The following FRS2 variants were observed in gnomAD, a reference collection of about 807,000 sequenced individuals.
FRS2 encodes the protein fibroblast growth factor receptor substrate 2.
A neutral mutation model predicts 43.9 loss-of-function variants in FRS2; 8 were observed. That is an observed-to-expected ratio of 0.18 (90% confidence interval 0.11 to 0.33). The LOEUF is 0.33. Among genes scored for constraint, FRS2 ranks in the 10% least tolerant of loss-of-function variants. FRS2 has a pLI of 1.00. For missense variants in FRS2, 534 were observed against 627.6 expected, an observed-to-expected ratio of 0.85 and a Z score of 1.59; for synonymous variants, 219 against 220.3, an observed-to-expected ratio of 0.99 and a Z score of 0.05.
chr12:69,547,044 G>A (rs758900651), intron 3 of FRS2, among the ~76,000 whole-genome samples: 10 of 152,170 alleles, frequency 6.6e-5, no homozygotes, highest in Non-Finnish European at 1.3e-4. Flanking sequence ...TAAAAAGGAA[G>A]GAAATTCTGT....
Position 69,470,797 on chromosome 12 carries a change from C to CCTCT in FRS2, c.-261+268_-261+271dup, listed in dbSNP as rs200124191. Among the ~76,000 whole-genome samples the CCTCT allele has an allele frequency of 9.4e-3, 1,438 of 152,232 alleles. 27 individuals carry two copies. Among genetic ancestry groups the CCTCT allele is most frequent in the African/African-American group, 0.032 (1,328 of 41,538 alleles). ...GACTCGAGAGTGGGGATGGGCTGGGCCTCTGTTCGTCCGTCCGACCCCCCT... is the reference window on the plus strand; with the variant it reads ...GACTCGAGAGTGGGGATGGGCTGGGCCTCTCTCTGTTCGTCCGTCCGACCCCCCT... On this transcript the variant is annotated intron_variant, in intron 1 of 8. Transcript: ENST00000549921.
chr12:69,477,195 T>C (rs760547219), intron 1 of FRS2, among the ~76,000 whole-genome samples: 1 of 151,934 alleles, frequency 6.6e-6, no homozygotes, highest in Non-Finnish European at 1.5e-5. Context: ...TTGATGCCTG[T>C]AGGGTTTTAT....
At chr12:69,567,278 A>G (rs913389810) in intron 4 of FRS2, among the ~76,000 whole-genome samples, 13 of 152,202 alleles carry the variant, frequency 8.5e-5, no homozygotes, top group Non-Finnish European at 1.3e-4. Context: ...AGTTAAAGCA[A>G]AAATACCAAA....
intron 1 of FRS2, among the ~76,000 whole-genome samples, chr12:69,502,312 T>A (rs1310979051): frequency 6.6e-6 from 1 of 152,208 alleles, no homozygotes; most frequent in Non-Finnish European, 1.5e-5. Context: ...TAGAATGGAC[T>A]TCACTGAATG....
intron 3 of FRS2, among the ~76,000 whole-genome samples, chr12:69,552,302 CAAA>C (rs35353764): frequency 1.9e-5 from 1 of 51,362 alleles, no homozygotes; most frequent in African/African-American, 8.5e-5. Flanking sequence ...AACTCCGTCT[CAAA>C]AAAAAAAAAA....
intron 1 of FRS2, among the ~76,000 whole-genome samples, chr12:69,515,485 TGA>T (rs1402482037): frequency 6.6e-6 from 1 of 152,126 alleles, no homozygotes; most frequent in Non-Finnish European, 1.5e-5. Flanking sequence ...TTACTGAGTG[TGA>T]GAGACAGGCT....
chr12:69,492,722 G>T (rs1352731538), intron 1 of FRS2, among the ~76,000 whole-genome samples: 2 of 152,032 alleles, frequency 1.3e-5, no homozygotes, highest in African/African-American at 4.8e-5. Context: ...ATACACAAAA[G>T]CTCTAACTTA....
At chr12:69,471,191 C>T (rs1424092734) in intron 1 of FRS2, among the ~76,000 whole-genome samples, 8 of 151,976 alleles carry the variant, frequency 5.3e-5, no homozygotes, top group Non-Finnish European at 7.4e-5. Flanking sequence ...TTGAAGTAAA[C>T]TTAAAGAAAA....
Position 69,574,292 on chromosome 12 carries a change from T to A in FRS2, c.864T>A (p.Thr288=). The A allele has an allele frequency of 6.2e-7, 1 of 1,614,214 alleles. No homozygotes were observed. ...GSGANNTEWD[T]GYDSDERRDA... is the part of the protein sequence containing the mutation. ...GAGCAAATAACACAGAATGGGACACTGGCTATGACAGTGATGAACGAAGAG... is the reference window on the plus strand; with the variant it reads ...GAGCAAATAACACAGAATGGGACACAGGCTATGACAGTGATGAACGAAGAG... Residue 288 remains threonine, a synonymous_variant, in exon 9 of 9, where the codon ACT becomes ACA. Transcript: ENST00000549921.
chr12:69,508,119 T>C (rs1269671629), intron 1 of FRS2, among the ~76,000 whole-genome samples: 21 of 152,062 alleles, frequency 1.4e-4, no homozygotes, highest in Admixed American at 1.4e-3. Context: ...TCTTTGCATA[T>C]TTATTCCTGT....
At chr12:69,554,823 G>A (rs1052049271) in intron 3 of FRS2, among the ~76,000 whole-genome samples, 1 of 151,438 alleles carries the variant, frequency 6.6e-6, no homozygotes, top group African/African-American at 2.4e-5. Context: ...TCTCACCTCA[G>A]CCTCCCCAGT....
chr12:69,571,030 G>T (rs1189478424), intron 6 of FRS2, among the ~76,000 whole-genome samples: 1 of 152,164 alleles, frequency 6.6e-6, no homozygotes, highest in Non-Finnish European at 1.5e-5. Context: ...AAGTGCGCAG[G>T]TCTTGATTTC....
At chr12:69,479,980 T>G (rs745696168) in intron 1 of FRS2, among the ~76,000 whole-genome samples, 1 of 152,210 alleles carries the variant, frequency 6.6e-6, no homozygotes, top group Non-Finnish European at 1.5e-5. Flanking sequence ...TATTGTCCAT[T>G]TCATTATCTT....
At chr12:69,501,811 C>T (rs1274250965) in intron 1 of FRS2, among the ~76,000 whole-genome samples, 1 of 152,124 alleles carries the variant, frequency 6.6e-6, no homozygotes, top group Non-Finnish European at 1.5e-5. Flanking sequence ...GTTGGGATTT[C>T]ATTATCATAT....
In FRS2 at chr12:69,574,218, G is replaced by A; in HGVS notation, c.790G>A (p.Glu264Lys). 6.2e-7 allele frequency: 1 copy of A among 1,614,174 alleles called. No individual in the cohort carries two copies. Among genetic ancestry groups the A allele is most frequent in the Non-Finnish European group, 8.5e-7 (1 of 1,180,010 alleles). ...GPTPVQKQLM[E>K]KEKLEQLGRD... ...AACCCCTGTTCAAAAGCAGTTAATG[G>A]AAAAAGAGAAACTGGAGCAACTTGG... Residue 264 changes from glutamate (E) to lysine (K), a missense_variant, in exon 9 of 9, where the codon GAA becomes AAA. Around this residue, in one of 3 missense-constraint regions of FRS2, gnomAD observed 446 missense variants for 494.2 expected, o/e 0.90. Coordinates refer to ENST00000549921, the MANE Select transcript of FRS2 (RefSeq NM_001278356.2).
At chr12:69,570,193 A>T in intron 5 of FRS2, 138 bp from the exon 6 acceptor site, 2 of 650,574 alleles carry the variant, frequency 3.1e-6, no homozygotes, top group Non-Finnish European at 5.5e-6. Context: ...ACTGGGTGTT[A>T]CACGGCTACG....
At chr12:69,559,805 C>G (rs1253820489) in intron 3 of FRS2, among the ~76,000 whole-genome samples, 1 of 150,878 alleles carries the variant, frequency 6.6e-6, no homozygotes, top group Non-Finnish European at 1.5e-5. Context: ...AAAAAACAAC[C>G]AGACCGTGGA....
chr12:69,577,196 G>A lies in FRS2; in HGVS notation c.*2241G>A, dbSNP rs1337753992. 1 of 151,896 alleles carries A rather than the reference G, an allele frequency of 6.6e-6. No individual in the cohort carries two copies. The highest frequency in any genetic ancestry group is 2.4e-5 in the African/African-American group (1 of 41,340). The allele number at this position is 151,896 out of a possible 1,614,324, so 9.4% of individuals were successfully genotyped here. A position where few individuals can be genotyped will look rare whatever the true frequency, so the allele number is the denominator to read the frequency against. On this transcript the variant is annotated 3_prime_UTR_variant, in exon 9 of 9. Transcript: ENST00000549921. ...CTCCAATATAATCATTACAGTTTAT[G>A]CTTTAAATACTATGTGCTTTAAAAA...
chr12:69,479,646 T>C (rs1871186733), intron 1 of FRS2, among the ~76,000 whole-genome samples: 1 of 152,128 alleles, frequency 6.6e-6, no homozygotes, highest in South Asian at 2.1e-4. Flanking sequence ...TCCACCTGCC[T>C]CAGCCTCCCA....
Sources: gnomAD v4.1 joint callset for allele counts (sites outside exome capture counted in the v4.1 genomes callset) on GRCh38, gnomAD v4.1.1 for gene constraint, gnomAD v4.1.1 regional missense constraint, MANE v1.5 for transcripts, NCBI Gene and HGNC (gene_info 2026-07-23, HGNC 2026-07-21) for gene names.